GLI4: variants seen among roughly 807,000 people sequenced by gnomAD.
GLI4 encodes zinc finger protein GLI4.
In GLI4, 34 loss-of-function variants were observed where a neutral mutation model predicts 30.9. The observed-to-expected ratio is 1.10, with a 90% CI of 0.84 to 1.47. GLI4 has a LOEUF of 1.47. GLI4 is among the 40% of genes most tolerant of loss of function. The probability of loss-of-function intolerance (pLI) is 0.00; values close to 1 mark genes in which losing one functional copy is unlikely to be tolerated. For missense variants in GLI4, 696 were observed against 538.9 expected, an observed-to-expected ratio of 1.29 and a Z score of -2.89; for synonymous variants, 277 against 236.7, an observed-to-expected ratio of 1.17 and a Z score of -1.56.
In GLI4 at chr8:143,276,056, GC is replaced by G; in HGVS notation, c.385del (p.Gln129SerfsTer17). 1.5e-6 allele frequency: 2 copies of G among 1,363,276 alleles called. No homozygotes were observed. The highest frequency in any genetic ancestry group is 1.9e-6 in the Non-Finnish European group (2 of 1,064,762). The allele number at this position is 1,363,276 out of a possible 1,614,324, so 84.4% of individuals were successfully genotyped here. ...GPESSAERPA[G>X]QPPGAVPCAQ... Reference sequence around the variant, plus strand: ...GAATCCAGCGCGGAGCGGCCGGCGGGCCAGCCGCCTGGGGCCGTCCCTTGCG... The same window carrying G: ...GAATCCAGCGCGGAGCGGCCGGCGGGCAGCCGCCTGGGGCCGTCCCTTGCG... On this transcript the variant is annotated frameshift_variant, in exon 4 of 4. Transcript: ENST00000340042. LOFTEE classifies it high-confidence loss of function.
rs1312031521 is a variant in GLI4, at chr8:143,269,526, C to A, written c.124+6C>A. On this transcript the variant is annotated splice_donor_region_variant and intron_variant, in intron 2 of 3. Coordinates refer to ENST00000340042, the MANE Select transcript of GLI4 (RefSeq NM_138465.4). ...CCTCCATGGGCATCAACATGGTACT[C>A]ACCCAGCCCGCTGTGCGCCCTCCAC... 2 of 1,611,114 alleles carry A rather than the reference C, an allele frequency of 1.2e-6. No homozygotes were observed. The highest frequency in any genetic ancestry group is 2.2e-5 in the East Asian group (1 of 44,882).
chr8:143,269,628 C>T (rs915553168), intron 2 of GLI4, 108 bp downstream of exon 2: 9 of 904,394 alleles, frequency 1.0e-5, no homozygotes, highest in Non-Finnish European at 1.3e-5. Context: ...GAGGCGCCTC[C>T]AGACACCTGT....
chr8:143,268,215 C>G (rs1466858367), intron 1 of GLI4: 1 of 456,108 alleles, frequency 2.2e-6, no homozygotes, highest in Non-Finnish European at 2.9e-6. Flanking sequence ...GGCCCAGAAG[C>G]CGGGCACTGG....
Position 143,276,887 on chromosome 8 carries a change from A to G in GLI4, c.*83A>G. 3.7e-6 allele frequency: 3 copies of G among 811,384 alleles called. No individual in the cohort carries two copies. The highest frequency in any genetic ancestry group is 1.8e-5 in the South Asian group (1 of 55,668). 50.3% of individuals were successfully genotyped at this position (811,384 alleles called of 1,614,324 possible). A position where few individuals can be genotyped will look rare whatever the true frequency, so the allele number is the denominator to read the frequency against. ...TCCCCCACGGTGGGCACTGCCCAGC[A>G]CCGCATGCCACGTGTCCGGAATAAA... On this transcript the variant is annotated 3_prime_UTR_variant, in exon 4 of 4. Transcript: ENST00000340042.
chr8:143,276,373 A>G lies in GLI4; in HGVS notation c.700A>G (p.Thr234Ala). 1 of 1,612,414 alleles carries G rather than the reference A, an allele frequency of 6.2e-7. No homozygotes were observed. The highest frequency in any genetic ancestry group is 8.5e-7 in the Non-Finnish European group (1 of 1,179,716). ...CTTCATCCAGCACCACCGCATCCAC[A>G]CGGGCGAGAAGCCCTACGAGTGCGG... ...SGFIQHHRIH[T>A]GEKPYECGQC... Residue 234 changes from threonine (T) to alanine (A), a missense_variant, in exon 4 of 4, where the codon ACG becomes GCG. Thr to Ala is a moderately conservative substitution (Grantham distance 58). Transcript: ENST00000340042.
At chr8:143,268,742 G>A (rs1462047897) in intron 1 of GLI4, among the ~76,000 whole-genome samples, 11 of 152,172 alleles carry the variant, frequency 7.2e-5, no homozygotes, top group African/African-American at 2.7e-4. Context: ...CAGAGCCTCT[G>A]CTGGGACAGG....
chr8:143,270,713 G>A (rs1044932344), intron 2 of GLI4, among the ~76,000 whole-genome samples: 2 of 152,212 alleles, frequency 1.3e-5, no homozygotes, highest in African/African-American at 4.8e-5. Context: ...TACCAGTGGG[G>A]ACACAGAAGC....
rs1001772442 is a variant in GLI4, at chr8:143,267,498, G to C, written c.-38+14G>C. ...CCCGCTCGGAAGGTGAGTGGGCGCG[G>C]GCGGCGGCGGCGGCTCCGGGTGCCT... On this transcript the variant is annotated intron_variant, in intron 1 of 3. Transcript: ENST00000340042. 91 of 981,172 alleles carry C rather than the reference G, an allele frequency of 9.3e-5. No individual in the cohort carries two copies. The highest frequency in any genetic ancestry group is 1.0e-4 in the Non-Finnish European group (85 of 825,982). The allele number at this position is 981,172 out of a possible 1,614,324, so 60.8% of individuals were successfully genotyped here. A position where few individuals can be genotyped will look rare whatever the true frequency, so the allele number is the denominator to read the frequency against.
intron 3 of GLI4, chr8:143,275,063 G>A (rs763897940): frequency 6.5e-7 from 1 of 1,535,178 alleles, no homozygotes; most frequent in Admixed American, 2.0e-5. Context: ...GCCGGCCCCA[G>A]CTGGACACAG....
At chr8:143,267,850 C>T (rs1299395096) in intron 1 of GLI4, 22 of 985,452 alleles carry the variant, frequency 2.2e-5, no homozygotes, top group Non-Finnish European at 2.7e-5. Flanking sequence ...GCCGCACCGC[C>T]GGGCGGACGC....
chr8:143,270,337 C>G (rs1391687258), intron 2 of GLI4, among the ~76,000 whole-genome samples: 1 of 152,222 alleles, frequency 6.6e-6, no homozygotes, highest in Non-Finnish European at 1.5e-5. Context: ...CAGATGGGGA[C>G]AGAGAGTCCG....
chr8:143,276,603 C>T lies in GLI4; in HGVS notation c.930C>T (p.Leu310=), dbSNP rs1815394131. The T allele has an allele frequency of 4.3e-6, 7 of 1,612,516 alleles. No individual in the cohort carries two copies. The highest frequency in any genetic ancestry group is 2.7e-5 in the African/African-American group (2 of 74,880). Residue 310 remains leucine, a synonymous_variant, in exon 4 of 4, where the codon CTC becomes CTT. Coordinates refer to ENST00000340042, the MANE Select transcript of GLI4 (RefSeq NM_138465.4). ...AGGCCTTCATCTGGAGCTCCGTGCT[C>T]ATCGAGCACCAGCGCATCCACACTG... is the stretch of plus-strand genomic sequence containing the variant. ...CGKAFIWSSV[L]IEHQRIHTGE... is the part of the protein sequence containing the mutation.
At chr8:143,272,058 C>T (rs754976284) in intron 2 of GLI4, among the ~76,000 whole-genome samples, 1 of 152,116 alleles carries the variant, frequency 6.6e-6, no homozygotes, top group Non-Finnish European at 1.5e-5. Flanking sequence ...CTGCCTGGGC[C>T]GGTTCTGGAA....
intron 3 of GLI4, chr8:143,275,545 C>G: frequency 7.9e-7 from 1 of 1,264,264 alleles, no homozygotes. Flanking sequence ...CTGGCGTCCC[C>G]CAGGCTCCGG....
intron 1 of GLI4, 80 bp from the exon 2 acceptor site, chr8:143,269,280 T>C: frequency 9.8e-7 from 1 of 1,021,692 alleles, no homozygotes; most frequent in Non-Finnish European, 1.5e-6. Context: ...CTTGGAGAGC[T>C]GGCATGTTGC....
intron 2 of GLI4, among the ~76,000 whole-genome samples, chr8:143,270,626 T>C (rs1295871850): frequency 6.6e-6 from 1 of 152,162 alleles, no homozygotes. Context: ...TCCTCACCCC[T>C]TAGTCAGAAT....
intron 2 of GLI4, among the ~76,000 whole-genome samples, chr8:143,272,118 G>T (rs913377376): frequency 6.6e-6 from 1 of 152,218 alleles, no homozygotes; most frequent in African/African-American, 2.4e-5. Context: ...GCAGGAAGAA[G>T]TGAGGGAGGG....
At chr8:143,267,867 T>C (rs1397506519) in intron 1 of GLI4, 2 of 985,286 alleles carry the variant, frequency 2.0e-6, no homozygotes, top group Non-Finnish European at 2.4e-6. Flanking sequence ...ACGCGCTCTG[T>C]GCCGAGCTCC....
rs200499147 is a variant in GLI4, at chr8:143,276,650, C to G, written c.977C>G (p.Ser326Cys). 1.1e-5 allele frequency: 18 copies of G among 1,611,416 alleles called. No homozygotes were observed. The highest frequency in any genetic ancestry group is 1.4e-5 in the Non-Finnish European group (17 of 1,179,400). Reference protein sequence around the residue: ...IHTGEKPYECSDCGKAFRGRS... With the variant: ...IHTGEKPYECCDCGKAFRGRS... The stretch of plus-strand genomic sequence containing the variant: ...ACTGGCGAGAAGCCCTACGAGTGCT[C>G]CGACTGCGGCAAAGCCTTCCGCGGC... The change falls in exon 4 of 4, where the codon TCC becomes TGC. Residue 326 changes from serine (S) to cysteine (C), a missense_variant. Physicochemically the swap from Ser to Cys is moderately radical, Grantham distance 112 (BLOSUM62 -1). Coordinates refer to ENST00000340042, the MANE Select transcript of GLI4 (RefSeq NM_138465.4).
Sources: gnomAD v4.1 joint callset for allele counts (sites outside exome capture counted in the v4.1 genomes callset) on GRCh38, gnomAD v4.1.1 for gene constraint, MANE v1.5 for transcripts, NCBI Gene and HGNC (gene_info 2026-07-23, HGNC 2026-07-21) for gene names.